Variants in CDH12 observed in about 807,000 individuals in gnomAD.
The protein encoded by CDH12 is cadherin-12.
CDH12 carries 41 observed loss-of-function variants against 74.1 expected under a neutral mutation model. The ratio of observed to expected loss-of-function variants is 0.55; its 90% CI spans 0.43 to 0.72. The LOEUF (loss-of-function observed/expected upper bound fraction) is 0.72. Among genes scored for constraint, CDH12 ranks in the 30% least tolerant of loss-of-function variants. The pLI, the probability that CDH12 is intolerant of heterozygous loss-of-function variation, is 0.00. For synonymous variants in CDH12, 399 were observed against 355.0 expected, an observed-to-expected ratio of 1.12 and a Z score of -1.39; for missense variants, 945 against 977.2, an observed-to-expected ratio of 0.97 and a Z score of 0.44.
intron 8 of CDH12, among the ~76,000 whole-genome samples, chr5:21,821,906 TA>T (rs1748389688): frequency 6.6e-6 from 1 of 152,008 alleles, no homozygotes; most frequent in South Asian, 2.1e-4. Flanking sequence ...ATCAATATTT[TA>T]TTTTTTTAAA....
At chr5:22,529,277 C>G (rs1737476156) in intron 1 of CDH12, among the ~76,000 whole-genome samples, 2 of 149,230 alleles carry the variant, frequency 1.3e-5, no homozygotes, top group Admixed American at 1.3e-4. Flanking sequence ...ATAATGGAGG[C>G]TGATGAGTCC....
chr5:22,160,571 C>A (rs1748282167), intron 4 of CDH12, among the ~76,000 whole-genome samples: 1 of 152,102 alleles, frequency 6.6e-6, no homozygotes, highest in African/African-American at 2.4e-5. Flanking sequence ...ACTAAAATAG[C>A]ATATACTGGA....
chr5:22,014,865 G>A (rs1217308354), intron 5 of CDH12, among the ~76,000 whole-genome samples: 3 of 151,928 alleles, frequency 2.0e-5, no homozygotes, highest in East Asian at 1.9e-4. Context: ...AATTTCAGCC[G>A]AAAAAATAAT....
At chr5:22,139,851 C>G (rs1347147063) in intron 4 of CDH12, among the ~76,000 whole-genome samples, 1 of 152,140 alleles carries the variant, frequency 6.6e-6, no homozygotes, top group Admixed American at 6.6e-5. Flanking sequence ...GAAAGCCTGT[C>G]TCAGTTCATA....
intron 3 of CDH12, among the ~76,000 whole-genome samples, chr5:22,238,275 T>C (rs1197789318): frequency 6.6e-6 from 1 of 152,228 alleles, no homozygotes; most frequent in Non-Finnish European, 1.5e-5. Context: ...CTATGGCATT[T>C]CCTGGTGGGG....
intron 1 of CDH12, among the ~76,000 whole-genome samples, chr5:22,775,068 A>AAT (rs1180574732): frequency 6.6e-6 from 1 of 151,262 alleles, no homozygotes; most frequent in Non-Finnish European, 1.5e-5. Context: ...CATATATTAG[A>AAT]ATATATATAT....
rs1223696944 is a variant in CDH12, at chr5:22,760,694, A to AC, written c.-523+92363_-523+92364insG. Among the ~76,000 whole-genome samples the AC allele has an allele frequency of 4.6e-5, 7 of 151,156 alleles. No homozygotes were observed. In the East Asian group the frequency reaches 1.2e-3, roughly 25 times the overall value. ...ACTCCGTCTCAAAAAAAAAAAAAAA[A>AC]AAAAAACAAAAAAAAAAAGGTAAAT... On this transcript the variant is annotated intron_variant, in intron 1 of 14. Coordinates refer to ENST00000382254, the MANE Select transcript of CDH12 (RefSeq NM_004061.5).
chr5:22,787,911 T>C (rs1319071321), intron 1 of CDH12, among the ~76,000 whole-genome samples: 5 of 152,172 alleles, frequency 3.3e-5, no homozygotes, highest in Non-Finnish European at 7.3e-5. Flanking sequence ...GTTTTTCTTG[T>C]CATCTAATCT....
chr5:22,444,254 A>G (rs1356116179), intron 2 of CDH12, among the ~76,000 whole-genome samples: 1 of 152,064 alleles, frequency 6.6e-6, no homozygotes, highest in East Asian at 1.9e-4. Flanking sequence ...GCACACACAC[A>G]CACTTTTAGA....
At chr5:22,082,187 A>T (rs938720403) in intron 4 of CDH12, among the ~76,000 whole-genome samples, 1 of 152,162 alleles carries the variant, frequency 6.6e-6, no homozygotes, top group Non-Finnish European at 1.5e-5. Context: ...CATTCTTCAC[A>T]ATTTCATGGA....
intron 10 of CDH12, among the ~76,000 whole-genome samples, chr5:21,784,504 C>A (rs1311660438): frequency 6.6e-6 from 1 of 152,086 alleles, no homozygotes; most frequent in Non-Finnish European, 1.5e-5. Context: ...TGAACCAGGT[C>A]ATCAATGTTT....
intron 2 of CDH12, among the ~76,000 whole-genome samples, chr5:22,443,822 C>A (rs1056834076): frequency 1.3e-5 from 2 of 151,898 alleles, no homozygotes; most frequent in African/African-American, 2.4e-5. Context: ...AAATAATAAA[C>A]AAACTTTTTC....
chr5:21,759,725 G>C (rs748054564), intron 13 of CDH12, among the ~76,000 whole-genome samples: 1 of 151,874 alleles, frequency 6.6e-6, no homozygotes, highest in Non-Finnish European at 1.5e-5. Context: ...ACGTGAAGGT[G>C]TGTTACATAG....
chr5:21,942,383 CACACACAT>C (rs1161986780), intron 6 of CDH12, among the ~76,000 whole-genome samples: 34 of 145,714 alleles, frequency 2.3e-4, no homozygotes, highest in African/African-American at 8.9e-4. Context: ...CACACACACA[CACACACAT>C]ATATATGTGT....
At chr5:22,055,268 C>A (rs1485199122) in intron 5 of CDH12, among the ~76,000 whole-genome samples, 1 of 152,154 alleles carries the variant, frequency 6.6e-6, no homozygotes, top group Non-Finnish European at 1.5e-5. Flanking sequence ...TGCAAGCCAC[C>A]TGAGAAAGAA....
At chr5:22,456,948 G>GTTTT (rs975900880) in intron 2 of CDH12, among the ~76,000 whole-genome samples, 3 of 150,622 alleles carry the variant, frequency 2.0e-5, no homozygotes, top group African/African-American at 7.3e-5. Flanking sequence ...ATTATTCATG[G>GTTTT]TTTTTTTTTT....
At chr5:22,739,999 A>C (rs1362352503) in intron 1 of CDH12, among the ~76,000 whole-genome samples, 1 of 152,144 alleles carries the variant, frequency 6.6e-6, no homozygotes, top group Non-Finnish European at 1.5e-5. Context: ...AATGTATTAC[A>C]AGATGTCAAA....
At chr5:22,843,267 A>T (rs1301312552) in intron 1 of CDH12, among the ~76,000 whole-genome samples, 1 of 152,074 alleles carries the variant, frequency 6.6e-6, no homozygotes, top group East Asian at 1.9e-4. Context: ...CTTACCAGTT[A>T]TCCATGGTGA....
chr5:22,021,322 G>T (rs1349999039), intron 5 of CDH12, among the ~76,000 whole-genome samples: 1 of 152,136 alleles, frequency 6.6e-6, no homozygotes, highest in Non-Finnish European at 1.5e-5. Context: ...TTTCTGATTA[G>T]ATCTGTTCCA....
Sources: allele counts gnomAD v4.1 joint callset (sites outside exome capture counted in the v4.1 genomes callset), GRCh38; gene constraint gnomAD v4.1.1; transcripts MANE v1.5; gene names NCBI Gene and HGNC (gene_info 2026-07-23, HGNC 2026-07-21).